Variants in ERP44 observed in about 807,000 individuals in gnomAD.
ERP44 encodes the protein endoplasmic reticulum resident protein 44.
A neutral mutation model predicts 53.4 loss-of-function variants in ERP44; 25 were observed. That is an observed-to-expected ratio of 0.47 (90% CI 0.34 to 0.65). The LOEUF (loss-of-function observed/expected upper bound fraction) is 0.65. Ranked by LOEUF, ERP44 falls within the 30% of genes least tolerant of loss-of-function variation. The pLI, the probability that ERP44 is intolerant of heterozygous loss-of-function variation, is 0.01. For missense variants in ERP44, 338 were observed against 493.2 expected, an observed-to-expected ratio of 0.69 and a Z score of 2.98; for synonymous variants, 145 against 161.2, an observed-to-expected ratio of 0.90 and a Z score of 0.76.
At chr9:100,046,767 C>G (rs1052395360) in intron 4 of ERP44, among the ~76,000 whole-genome samples, 6 of 152,102 alleles carry the variant, frequency 3.9e-5, no homozygotes, top group Non-Finnish European at 7.4e-5. Context: ...TAAAAATTAA[C>G]AAGCTGATTC....
intron 4 of ERP44, among the ~76,000 whole-genome samples, chr9:100,051,793 G>A (rs549273317): frequency 1.3e-5 from 2 of 152,180 alleles, no homozygotes; most frequent in African/African-American, 4.8e-5. Flanking sequence ...TCATGTATAC[G>A]AAAAACCATG....
chr9:100,067,427 G>A (rs1350274431), intron 1 of ERP44, among the ~76,000 whole-genome samples: 2 of 152,246 alleles, frequency 1.3e-5, no homozygotes, highest in Non-Finnish European at 1.5e-5. Flanking sequence ...TCCTAACCGC[G>A]AGTGATCCGC....
intron 8 of ERP44, among the ~76,000 whole-genome samples, chr9:100,015,619 T>G (rs1340520232): frequency 2.6e-5 from 4 of 152,210 alleles, no homozygotes; most frequent in Non-Finnish European, 5.9e-5. Context: ...AATCTTCTAG[T>G]GGCAAAGGAT....
chr9:100,061,235 A>G (rs1250909680), intron 1 of ERP44, among the ~76,000 whole-genome samples: 1 of 152,062 alleles, frequency 6.6e-6, no homozygotes, highest in Non-Finnish European at 1.5e-5. Context: ...AACGAGGTCA[A>G]AAGATCGAGA....
chr9:100,017,652 T>TA (rs1830537920), intron 7 of ERP44, among the ~76,000 whole-genome samples: 1 of 152,054 alleles, frequency 6.6e-6, no homozygotes, highest in African/African-American at 2.4e-5. Context: ...ATTGAAAAAA[T>TA]ATCCATAAAT....
At chr9:100,055,681 C>A (rs909525940) in intron 3 of ERP44, among the ~76,000 whole-genome samples, 5 of 152,140 alleles carry the variant, frequency 3.3e-5, no homozygotes, top group Admixed American at 6.5e-5. Context: ...ATGTGATTAT[C>A]CTACTTTGTA....
intron 1 of ERP44, among the ~76,000 whole-genome samples, chr9:100,092,991 C>G (rs1826578228): frequency 6.6e-6 from 1 of 152,138 alleles, no homozygotes; most frequent in Non-Finnish European, 1.5e-5. Flanking sequence ...AAATATAATT[C>G]TAGAAAAGTA....
intron 1 of ERP44, among the ~76,000 whole-genome samples, chr9:100,071,744 A>G (rs1826307883): frequency 6.6e-6 from 1 of 152,064 alleles, no homozygotes; most frequent in South Asian, 2.1e-4. Flanking sequence ...ACATGGTGAA[A>G]CCCTGTCTCT....
intron 10 of ERP44, among the ~76,000 whole-genome samples, chr9:100,003,358 TC>T (rs1370759636): frequency 6.6e-6 from 1 of 152,244 alleles, no homozygotes; most frequent in Non-Finnish European, 1.5e-5. Flanking sequence ...CGTTTATGTC[TC>T]CTTGGTTTTT....
intron 1 of ERP44, among the ~76,000 whole-genome samples, chr9:100,068,605 C>T (rs1439245945): frequency 9.2e-5 from 13 of 141,818 alleles, no homozygotes; most frequent in African/African-American, 2.3e-4. Context: ...CTGCCCCGTC[C>T]GGGAGGGAGG....
At chr9:100,047,061 C>A (rs1278518224) in intron 4 of ERP44, among the ~76,000 whole-genome samples, 1 of 152,164 alleles carries the variant, frequency 6.6e-6, no homozygotes, top group African/African-American at 2.4e-5. Context: ...CAATTGAACT[C>A]CAATTCATAC....
chr9:100,074,693 CTG>C lies in ERP44; in HGVS notation c.58-14523_58-14522del, dbSNP rs551409194. On this transcript the variant is annotated intron_variant, in intron 1 of 11. Coordinates refer to ENST00000262455, the MANE Select transcript of ERP44 (RefSeq NM_015051.3). ...GACCTCTGGCCTTTTACCAGGGTAACTGTGCATTGGAGAAAGGGAAATAATCA... is the reference window on the plus strand; with the variant it reads ...GACCTCTGGCCTTTTACCAGGGTAACTGCATTGGAGAAAGGGAAATAATCA... Among the ~76,000 whole-genome samples the C allele has an allele frequency of 2.0e-5, 3 of 152,262 alleles. No individual in the cohort carries two copies. In the South Asian group the frequency reaches 6.2e-4, roughly 32 times the overall value.
Position 99,984,994 on chromosome 9 carries a change from A to T in ERP44, c.1092T>A (p.Pro364=), listed in dbSNP as rs772605654. ...GKLHREFHHG[P]DPTDTAPGEQ... ...CTCCTGGGGCTGTATCAGTTGGGTC[A>T]GGTCCATGATGGAATTCTCTGTGCA... The change falls in exon 11 of 12, where the codon CCT becomes CCA. Residue 364 remains proline, a synonymous_variant. Transcript: ENST00000262455. 1 of 1,612,722 alleles carries T rather than the reference A, an allele frequency of 6.2e-7. No homozygotes were observed. Among genetic ancestry groups the T allele is most frequent in the South Asian group, 1.1e-5 (1 of 91,036 alleles).
Position 100,057,866 on chromosome 9 carries a change from T to C in ERP44, c.131-7A>G, listed in dbSNP as rs988586949. 6.3e-7 allele frequency: 1 copy of C among 1,582,510 alleles called. No homozygotes were observed. The highest frequency in any genetic ancestry group is 1.3e-5 in the African/African-American group (1 of 74,154). The stretch of plus-strand genomic sequence containing the variant: ...AAAGCAACATCAGCATTGTCTGAAA[T>C]TGAAAGACAAAACCAAATAAGATAT... On this transcript the variant is annotated splice_polypyrimidine_tract_variant and splice_region_variant and intron_variant, in intron 2 of 11. Transcript: ENST00000262455.
intron 1 of ERP44, among the ~76,000 whole-genome samples, chr9:100,060,955 T>C (rs985739677): frequency 2.0e-5 from 3 of 152,330 alleles, no homozygotes; most frequent in African/African-American, 4.8e-5. Context: ...TACTAAATCA[T>C]TGCTTTTTAC....
chr9:100,045,286 C>T (rs913654470), intron 4 of ERP44, among the ~76,000 whole-genome samples: 2 of 152,166 alleles, frequency 1.3e-5, no homozygotes, highest in African/African-American at 4.8e-5. Flanking sequence ...TCTTCCCTAT[C>T]CCTGCAGACT....
intron 4 of ERP44, among the ~76,000 whole-genome samples, chr9:100,026,218 G>A (rs970996032): frequency 4.6e-5 from 7 of 152,154 alleles, no homozygotes; most frequent in African/African-American, 1.7e-4. Flanking sequence ...GGGGAGTTGG[G>A]TCACAAAGAC....
chr9:100,084,950 A>G (rs1362750922), intron 1 of ERP44, among the ~76,000 whole-genome samples: 1 of 152,236 alleles, frequency 6.6e-6, no homozygotes, highest in Non-Finnish European at 1.5e-5. Flanking sequence ...CAACAGCCTT[A>G]CCACAATTAA....
chr9:100,045,923 G>A (rs1490501629), intron 4 of ERP44, among the ~76,000 whole-genome samples: 1 of 152,024 alleles, frequency 6.6e-6, no homozygotes, highest in Non-Finnish European at 1.5e-5. Context: ...AAGAATTAAA[G>A]CTTTTAATTT....
Sources: gnomAD v4.1 joint callset for allele counts (sites outside exome capture counted in the v4.1 genomes callset) on GRCh38, gnomAD v4.1.1 for gene constraint, MANE v1.5 for transcripts, NCBI Gene and HGNC (gene_info 2026-07-23, HGNC 2026-07-21) for gene names.